MDGA1: variants seen among roughly 807,000 people sequenced by gnomAD.
The protein encoded by MDGA1 is MAM domain-containing glycosylphosphatidylinositol anchor protein 1.
MDGA1 carries 54 observed loss-of-function variants against 101.5 expected under a neutral mutation model. The ratio of observed to expected loss-of-function variants is 0.53; its 90% CI spans 0.43 to 0.67. MDGA1 has a LOEUF of 0.67. MDGA1 is among the 30% of genes least tolerant of loss of function. The pLI is 0.00. For missense variants in MDGA1, 1,083 were observed against 1,323.8 expected, an observed-to-expected ratio of 0.82 and a Z score of 2.82; for synonymous variants, 533 against 558.3, an observed-to-expected ratio of 0.95 and a Z score of 0.64.
intron 2 of MDGA1, among the ~76,000 whole-genome samples, chr6:37,661,993 A>G (rs1250577082): frequency 6.7e-6 from 1 of 149,404 alleles, no homozygotes; most frequent in East Asian, 2.0e-4. Context: ...TGTCTCTGAA[A>G]AAAAAAAAAG....
At chr6:37,661,018 A>G (rs1320164884) in intron 2 of MDGA1, among the ~76,000 whole-genome samples, 3 of 152,284 alleles carry the variant, frequency 2.0e-5, no homozygotes, top group South Asian at 2.1e-4. Context: ...GGGTTATGCT[A>G]TCTCATAGGT....
chr6:37,664,634 CAG>C (rs1761704070), intron 1 of MDGA1, among the ~76,000 whole-genome samples: 1 of 146,342 alleles, frequency 6.8e-6, no homozygotes, highest in South Asian at 2.2e-4. Flanking sequence ...CACACACACA[CAG>C]AGGTGGGGTG....
intron 1 of MDGA1, among the ~76,000 whole-genome samples, chr6:37,694,662 GTCATCC>G (rs1762380067): frequency 1.0e-5 from 1 of 99,496 alleles, no homozygotes. Flanking sequence ...GCGACCTCCT[GTCATCC>G]TCCTCCTCCT....
At chr6:37,640,831 G>C (rs988864422) in intron 14 of MDGA1, among the ~76,000 whole-genome samples, 13 of 152,304 alleles carry the variant, frequency 8.5e-5, no homozygotes, top group African/African-American at 2.9e-4. Context: ...AATGGGGACA[G>C]GGGGCATATC....
chr6:37,672,914 C>G (rs1322893520), intron 1 of MDGA1, among the ~76,000 whole-genome samples: 1 of 152,102 alleles, frequency 6.6e-6, no homozygotes, highest in African/African-American at 2.4e-5. Context: ...TTGCTGTGAA[C>G]TAGAGACTAG....
At position 37,635,937 on chromosome 6, in the gene MDGA1, A is replaced by C. The variant is rs1763920626; in HGVS notation, c.*1431T>G. 5.1e-6 allele frequency: 2 copies of C among 394,644 alleles called. No homozygotes were observed. The highest frequency in any genetic ancestry group is 1.4e-4 in the South Asian group (1 of 6,992). The allele number at this position is 394,644 out of a possible 1,614,324, so 24.4% of individuals were successfully genotyped here. A position where few individuals can be genotyped will look rare whatever the true frequency, so the allele number is the denominator to read the frequency against. The stretch of plus-strand genomic sequence containing the variant: ...CATAGAAACGAATGGGTCTCAATCC[A>C]GTCTCACAGGCAGATATGTGAGATT... On this transcript the variant is annotated 3_prime_UTR_variant, in exon 17 of 17. Transcript: ENST00000434837.
intron 8 of MDGA1, chr6:37,649,908 G>A: frequency 1.4e-6 from 1 of 732,546 alleles, no homozygotes; most frequent in East Asian, 2.7e-5. Flanking sequence ...AAATGAAGAT[G>A]GGAGATACTT....
At chr6:37,659,232 C>G (rs994818611) in intron 2 of MDGA1, among the ~76,000 whole-genome samples, 3 of 152,180 alleles carry the variant, frequency 2.0e-5, no homozygotes, top group African/African-American at 7.2e-5. Context: ...CTCCCGGGTT[C>G]CTGTCCACAG....
intron 8 of MDGA1, 107 bp downstream of exon 8, chr6:37,650,002 G>T: frequency 7.5e-7 from 1 of 1,329,564 alleles, no homozygotes; most frequent in Non-Finnish European, 1.1e-6. Flanking sequence ...GGAGTAGCTG[G>T]TGGGGTTTGG....
Position 37,638,263 on chromosome 6 carries a change from T to C in MDGA1, c.2718A>G (p.Ile906Met), listed in dbSNP as rs759720588. Reference protein sequence around the residue: ...RGPGYLGDIAIDDVTLKKGEC... With the variant: ...RGPGYLGDIAMDDVTLKKGEC... ...CCCCCTTCTTCAGTGTGACGTCATC[T>C]ATGGCAATATCCCCCAGGTAGCCCG... The change falls in exon 16 of 17, where the codon ATA becomes ATG. Residue 906 changes from isoleucine (I) to methionine (M), a missense_variant. This residue lies in a region of MDGA1 where 657 missense variants were observed against 771.4 expected (regional missense o/e 0.85). Coordinates refer to ENST00000434837, the MANE Select transcript of MDGA1 (RefSeq NM_153487.4). This position sits in a 1 kb window ranked among gnomAD's most constrained non-coding sequence, Gnocchi z 4.8. 6 of 1,613,666 alleles carry C rather than the reference T, an allele frequency of 3.7e-6. No individual in the cohort carries two copies. Among genetic ancestry groups the C allele is most frequent in the South Asian group, 1.1e-5 (1 of 91,010 alleles).
intron 12 of MDGA1, 75 bp from the exon 13 acceptor site, chr6:37,644,724 C>T (rs754452586): frequency 4.1e-5 from 56 of 1,372,000 alleles, no homozygotes; most frequent in South Asian, 7.3e-5. Context: ...CCCTCTCACC[C>T]CCCAGAGGCA....
chr6:37,678,927 A>G (rs1762037294), intron 1 of MDGA1, among the ~76,000 whole-genome samples: 1 of 151,992 alleles, frequency 6.6e-6, no homozygotes, highest in South Asian at 2.1e-4. Flanking sequence ...AAAGGCGAGC[A>G]CCCCTGGGAG....
At chr6:37,672,883 CAG>C (rs1761900010) in intron 1 of MDGA1, among the ~76,000 whole-genome samples, 1 of 151,980 alleles carries the variant, frequency 6.6e-6, no homozygotes, top group Admixed American at 6.6e-5. Context: ...CACTGAGAGG[CAG>C]AGAGGGAGCA....
At chr6:37,664,416 C>T (rs1039797191) in intron 1 of MDGA1, 3 of 265,382 alleles carry the variant, frequency 1.1e-5, no homozygotes, top group Non-Finnish European at 2.2e-5. Context: ...TTAGCATCAC[C>T]ATCTTAGCAG....
chr6:37,696,583 G>C lies in MDGA1; in HGVS notation c.67+162C>G, dbSNP rs1433748925. Among the ~76,000 whole-genome samples the C allele has an allele frequency of 6.6e-6, 1 of 152,176 alleles. No individual in the cohort carries two copies. The highest frequency in any genetic ancestry group is 2.4e-5 in the African/African-American group (1 of 41,452). On this transcript the variant is annotated intron_variant, in intron 1 of 16. Coordinates refer to ENST00000434837, the MANE Select transcript of MDGA1 (RefSeq NM_153487.4). This position sits in a 1 kb window ranked among gnomAD's most constrained non-coding sequence, Gnocchi z 5.6. ...CGACCGGCCCCTGTGTTCCGAAGCA[G>C]CTAGCTCGGTCTCCACGCGCCCTGG... is the stretch of plus-strand genomic sequence containing the variant.
At chr6:37,690,879 G>A (rs979030271) in intron 1 of MDGA1, among the ~76,000 whole-genome samples, 4 of 151,712 alleles carry the variant, frequency 2.6e-5, no homozygotes, top group Non-Finnish European at 5.9e-5. Flanking sequence ...TCACACACTC[G>A]GGTTCCTTAG....
chr6:37,667,043 TA>T (rs148608551), intron 1 of MDGA1, among the ~76,000 whole-genome samples: 3,210 of 152,302 alleles, frequency 0.021, 45 homozygotes, highest in Middle Eastern at 0.078. Flanking sequence ...AGTAGAGTCG[TA>T]ATGTGTTTTA....
At position 37,682,955 on chromosome 6, in the gene MDGA1, G is replaced by A. The variant is rs116809264; in HGVS notation, c.67+13790C>T. On this transcript the variant is annotated intron_variant, in intron 1 of 16. Transcript: ENST00000434837. ...GGCTTGGCTCCTGGGCAGGGAAGTA[G>A]ACAGAATGCAGTCGACCTTATTACC... 7.1e-3 allele frequency among the ~76,000 whole-genome samples: 1,084 copies of A among 152,302 alleles called. 9 individuals are homozygous for A. Among genetic ancestry groups the A allele is most frequent in the African/African-American group, 0.025 (1,034 of 41,556 alleles).
rs142768894 is a variant in MDGA1 at position 37,666,824 on chromosome 6, G to A, written c.68-2718C>T. On this transcript the variant is annotated intron_variant, in intron 1 of 16. Coordinates refer to ENST00000434837, the MANE Select transcript of MDGA1 (RefSeq NM_153487.4). ...GAGGAAGAACCACAGAGGGGTCCATGGAAAAGGTAGCTTTTGAACCAGGCC... is the reference window on the plus strand; with the variant it reads ...GAGGAAGAACCACAGAGGGGTCCATAGAAAAGGTAGCTTTTGAACCAGGCC... Among the ~76,000 whole-genome samples, 31 of 152,330 alleles carry A rather than the reference G, an allele frequency of 2.0e-4. No individual in the cohort carries two copies. The South Asian group carries it at 4.8e-3, about 23-fold the overall frequency.
Sources: gnomAD v4.1 joint callset for allele counts (sites outside exome capture counted in the v4.1 genomes callset) on GRCh38, gnomAD v4.1.1 for gene constraint, gnomAD v4.1.1 regional missense constraint, Gnocchi (gnomAD v3.1) non-coding constraint, MANE v1.5 for transcripts, NCBI Gene and HGNC (gene_info 2026-07-23, HGNC 2026-07-21) for gene names.